Variants in HS3ST4 observed in about 807,000 individuals in gnomAD.
HS3ST4 encodes heparan sulfate-glucosamine 3-sulfotransferase 4, also known as heparan sulfate glucosamine 3-O-sulfotransferase 4.
A neutral mutation model predicts 29.2 loss-of-function variants in HS3ST4; 17 were observed. The observed-to-expected ratio is 0.58, with a 90% CI of 0.40 to 0.87. The LOEUF is 0.87. Among genes scored for constraint, HS3ST4 ranks in the 40% least tolerant of loss-of-function variants. The pLI, the probability that HS3ST4 is intolerant of heterozygous loss-of-function variation, is 0.00. For missense variants in HS3ST4, 627 were observed against 634.5 expected (o/e 0.99, Z 0.13); for synonymous variants, 314 against 285.7 (o/e 1.10, Z -1.00).
chr16:25,940,333 C>A (rs1375846317), intron 1 of HS3ST4, among the ~76,000 whole-genome samples: 1 of 151,980 alleles, frequency 6.6e-6, no homozygotes, highest in Non-Finnish European at 1.5e-5. Flanking sequence ...CAGGATAAGG[C>A]ATGCTAGGGT....
intron 1 of HS3ST4, among the ~76,000 whole-genome samples, chr16:26,113,305 G>T (rs1033836380): frequency 1.3e-5 from 2 of 152,002 alleles, no homozygotes; most frequent in African/African-American, 4.8e-5. Context: ...ATTTAGCTGG[G>T]TGTAGCGGCG....
chr16:26,071,452 A>T (rs1206667427), intron 1 of HS3ST4, among the ~76,000 whole-genome samples: 1 of 152,190 alleles, frequency 6.6e-6, no homozygotes, highest in Non-Finnish European at 1.5e-5. Context: ...GCTTCAAGAC[A>T]TCTCAATTTT....
chr16:26,122,923 G>A (rs1484009856), intron 1 of HS3ST4, among the ~76,000 whole-genome samples: 1 of 151,946 alleles, frequency 6.6e-6, no homozygotes, highest in African/African-American at 2.4e-5. Flanking sequence ...GCGTGGTGGC[G>A]GGCGCTTGTA....
chr16:25,734,560 G>T (rs1329316318), intron 1 of HS3ST4, among the ~76,000 whole-genome samples: 1 of 152,162 alleles, frequency 6.6e-6, no homozygotes, highest in Non-Finnish European at 1.5e-5. Context: ...GTGAGGTGCT[G>T]GGGTATGATG....
chr16:26,136,187 T>C lies in HS3ST4; in HGVS notation c.1310T>C (p.Leu437Ser), dbSNP rs1428950412. Residue 437 changes from leucine (L) to serine (S), a missense_variant, in exon 2 of 2, where the codon TTG becomes TCG. Leu to Ser is a moderately radical substitution (Grantham distance 145, BLOSUM62 -2). This residue lies in a region of HS3ST4 where 225 missense variants were observed against 293.7 expected (regional missense o/e 0.77). Coordinates refer to ENST00000331351, the MANE Select transcript of HS3ST4 (RefSeq NM_006040.3). ...RLRKFYKPFNLMFYQMTGQDF... is the reference protein window; with the variant it reads ...RLRKFYKPFNSMFYQMTGQDF... ...AGGAAATTCTACAAACCCTTCAACT[T>C]GATGTTTTACCAAATGACTGGTCAA... is the stretch of plus-strand genomic sequence containing the variant. 1 of 1,613,304 alleles carries C rather than the reference T, an allele frequency of 6.2e-7. No individual in the cohort carries two copies. The highest frequency in any genetic ancestry group is 1.7e-5 in the Admixed American group (1 of 59,986).
intron 1 of HS3ST4, among the ~76,000 whole-genome samples, chr16:25,936,183 T>A (rs2141689910): frequency 6.6e-6 from 1 of 152,338 alleles, no homozygotes. Context: ...TTATGTGGAT[T>A]TCCAGCAGGA....
intron 1 of HS3ST4, among the ~76,000 whole-genome samples, chr16:25,706,527 C>G (rs1302975445): frequency 1.3e-5 from 2 of 152,090 alleles, no homozygotes; most frequent in Non-Finnish European, 2.9e-5. Context: ...TGCTCTCCGT[C>G]CCCTAGCTCC....
intron 1 of HS3ST4, among the ~76,000 whole-genome samples, chr16:25,979,889 G>T (rs756321861): frequency 6.6e-6 from 1 of 152,132 alleles, no homozygotes; most frequent in African/African-American, 2.4e-5. Context: ...CACCTACCCT[G>T]CTATGCGAAT....
chr16:25,880,868 G>T (rs1482156467), intron 1 of HS3ST4, among the ~76,000 whole-genome samples: 1 of 152,208 alleles, frequency 6.6e-6, no homozygotes. Context: ...TGCAAGAATG[G>T]ATTTTTATAG....
intron 1 of HS3ST4, among the ~76,000 whole-genome samples, chr16:25,733,010 C>A (rs1377086851): frequency 1.3e-5 from 2 of 152,106 alleles, no homozygotes; most frequent in Non-Finnish European, 2.9e-5. Context: ...CTCTACCTAC[C>A]CTGCAGATTT....
intron 1 of HS3ST4, among the ~76,000 whole-genome samples, chr16:25,812,223 C>T (rs192792343): frequency 1.4e-4 from 22 of 152,262 alleles, no homozygotes; most frequent in East Asian, 1.4e-3. Flanking sequence ...GCTAAGTCTA[C>T]GGGACAGGGA....
chr16:25,781,413 C>G (rs894163903), intron 1 of HS3ST4, among the ~76,000 whole-genome samples: 1 of 152,154 alleles, frequency 6.6e-6, no homozygotes, highest in Non-Finnish European at 1.5e-5. Context: ...CTTACTAGTT[C>G]TTCTTCGGCC....
chr16:25,914,921 A>T (rs1330171439), intron 1 of HS3ST4, among the ~76,000 whole-genome samples: 1 of 148,220 alleles, frequency 6.7e-6, no homozygotes, highest in Non-Finnish European at 1.5e-5. Flanking sequence ...AGATACAATT[A>T]AAAAAAAAAG....
intron 1 of HS3ST4, among the ~76,000 whole-genome samples, chr16:25,981,574 C>A (rs1337578413): frequency 1.3e-5 from 2 of 150,514 alleles, no homozygotes; most frequent in African/African-American, 4.9e-5. Context: ...GAACAGTATA[C>A]CTTTCCATCA....
At chr16:25,786,640 C>G (rs1288068456) in intron 1 of HS3ST4, among the ~76,000 whole-genome samples, 1 of 152,074 alleles carries the variant, frequency 6.6e-6, no homozygotes, top group Non-Finnish European at 1.5e-5. Flanking sequence ...ATCTTGTTCT[C>G]TGTAGAGAAC....
chr16:25,795,057 C>T (rs74451548), intron 1 of HS3ST4, among the ~76,000 whole-genome samples: 22 of 151,752 alleles, frequency 1.4e-4, no homozygotes, highest in African/African-American at 2.4e-4. Flanking sequence ...CTGTAACCTC[C>T]GCTTCCCGGG....
At chr16:25,883,499 G>A (rs766970888) in intron 1 of HS3ST4, among the ~76,000 whole-genome samples, 52 of 152,128 alleles carry the variant, frequency 3.4e-4, no homozygotes, top group Admixed American at 7.9e-4. Context: ...ATCAGTTTCT[G>A]TTTTGTAATA....
intron 1 of HS3ST4, among the ~76,000 whole-genome samples, chr16:25,702,856 A>AACTCAACTCTTAAGAGTTGAGCAC (rs1966343632): frequency 6.6e-6 from 1 of 151,744 alleles, no homozygotes; most frequent in Non-Finnish European, 1.5e-5. Context: ...GAGTTGAGCT[A>AACTCAACTCTTAAGAGTTGAGCAC]GCGGCTCAAC....
chr16:26,077,320 C>A (rs1898674501), intron 1 of HS3ST4, among the ~76,000 whole-genome samples: 2 of 152,188 alleles, frequency 1.3e-5, no homozygotes, highest in South Asian at 4.2e-4. Flanking sequence ...CAGTAGCAAA[C>A]CCAGATTCAA....
Sources: gnomAD v4.1 joint callset for allele counts (sites outside exome capture counted in the v4.1 genomes callset) on GRCh38, gnomAD v4.1.1 for gene constraint, gnomAD v4.1.1 regional missense constraint, MANE v1.5 for transcripts, NCBI Gene and HGNC (gene_info 2026-07-23, HGNC 2026-07-21) for gene names.